PTGR1: variants seen among roughly 807,000 people sequenced by gnomAD.
PTGR1 encodes prostaglandin reductase 1, also known as 15-oxoprostaglandin 13-reductase.
Under a neutral mutation model 37.7 loss-of-function variants are expected in PTGR1, and 23 were observed. That is an observed-to-expected ratio of 0.61 (90% CI 0.44 to 0.86). PTGR1 has a LOEUF of 0.86. PTGR1 is among the 40% of genes least tolerant of loss of function. The pLI is 0.00. For missense variants in PTGR1, 351 were observed against 394.3 expected (o/e 0.89, Z 0.93); for synonymous variants, 134 against 140.0 (o/e 0.96, Z 0.30).
chr9:111,576,926 A>G (rs1829082216), intron 7 of PTGR1: 1 of 152,314 alleles, frequency 6.6e-6, no homozygotes, highest in South Asian at 2.1e-4. Context: ...CTCCGTCTCT[A>G]TTTAAAATAC....
At chr9:111,585,281 T>G (rs1829396988) in intron 5 of PTGR1, among the ~76,000 whole-genome samples, 1 of 152,196 alleles carries the variant, frequency 6.6e-6, no homozygotes, top group Admixed American at 6.5e-5. Flanking sequence ...CAGGATCTCC[T>G]AATATATTAC....
chr9:111,578,053 G>T (rs140693644), intron 7 of PTGR1, among the ~76,000 whole-genome samples: 3,141 of 152,018 alleles, frequency 0.021, 34 homozygotes, highest in South Asian at 0.034. Flanking sequence ...TGCCAATATA[G>T]TAAAAAACAT....
intron 6 of PTGR1, among the ~76,000 whole-genome samples, chr9:111,580,754 TC>T (rs1829258653): frequency 1.1e-5 from 1 of 94,664 alleles, no homozygotes. Context: ...AAACTCCATC[TC>T]AAAAAAAAAA....
At chr9:111,559,939 C>A (rs1173344093), downstream of PTGR1, among the ~76,000 whole-genome samples, 1 of 152,158 alleles carries the variant, frequency 6.6e-6, no homozygotes, top group Non-Finnish European at 1.5e-5. Context: ...AGTTTTTGTA[C>A]AGACACTCTT....
At chr9:111,592,720 A>G (rs994385557) in intron 4 of PTGR1, 36 of 592,832 alleles carry the variant, frequency 6.1e-5, no homozygotes, top group Non-Finnish European at 8.6e-5. Context: ...GGCAAAGTGA[A>G]GCTGAAAAAA....
At chr9:111,573,690 T>C (rs1309504971) in intron 8 of PTGR1, among the ~76,000 whole-genome samples, 1 of 152,178 alleles carries the variant, frequency 6.6e-6, no homozygotes, top group Non-Finnish European at 1.5e-5. Flanking sequence ...GTTTTGAGTC[T>C]GTTGCCAATA....
chr9:111,566,942 A>T (rs1039738797), intron 9 of PTGR1, among the ~76,000 whole-genome samples: 2 of 152,096 alleles, frequency 1.3e-5, no homozygotes, highest in Admixed American at 6.6e-5. Context: ...CAAAAAAACT[A>T]GCCAGGTGTG....
intron 6 of PTGR1, among the ~76,000 whole-genome samples, chr9:111,580,515 G>T (rs768025708): frequency 2.0e-5 from 3 of 152,120 alleles, no homozygotes; most frequent in East Asian, 1.9e-4. Flanking sequence ...CAGCACTTTG[G>T]GGGGCTGAGG....
At chr9:111,553,584 A>G (rs1014060598) in intron 9 of PTGR1, among the ~76,000 whole-genome samples, 3 of 152,218 alleles carry the variant, frequency 2.0e-5, no homozygotes, top group Non-Finnish European at 4.4e-5. Flanking sequence ...ATCTGTTGAT[A>G]CTGACTAGAT....
intron 9 of PTGR1, among the ~76,000 whole-genome samples, chr9:111,555,095 G>A (rs958962450): frequency 6.6e-6 from 1 of 152,182 alleles, no homozygotes; most frequent in African/African-American, 2.4e-5. Context: ...TGGGATAGGA[G>A]TTGGAGTTCA....
chr9:111,574,604 TAA>T (rs35972893), intron 8 of PTGR1, 128 bp downstream of exon 8: 9,417 of 477,178 alleles, frequency 0.02, no homozygotes, highest in South Asian at 0.027. Context: ...GACTCTGTCT[TAA>T]AAAAAAAAAA....
chr9:111,572,456 G>A (rs892126023), intron 8 of PTGR1, among the ~76,000 whole-genome samples: 4 of 152,128 alleles, frequency 2.6e-5, no homozygotes, highest in Non-Finnish European at 5.9e-5. Context: ...CAGGCGTGAC[G>A]ATTTGTGCCT....
chr9:111,578,271 G>T (rs1829147817), intron 7 of PTGR1, among the ~76,000 whole-genome samples: 2 of 152,068 alleles, frequency 1.3e-5, no homozygotes, highest in Non-Finnish European at 2.9e-5. Context: ...TTGTTGGGGG[G>T]ATGGTTTCAA....
chr9:111,569,423 A>C (rs536169770), intron 9 of PTGR1, among the ~76,000 whole-genome samples: 5 of 152,200 alleles, frequency 3.3e-5, no homozygotes, highest in Non-Finnish European at 7.3e-5. Context: ...TCCCATAGCC[A>C]AGTGAGGCTA....
At chr9:111,568,669 C>T (rs1828680770) in intron 9 of PTGR1, among the ~76,000 whole-genome samples, 1 of 152,342 alleles carries the variant, frequency 6.6e-6, no homozygotes, top group Non-Finnish European at 1.5e-5. Context: ...TTTTGTGGCT[C>T]AGGTGGGTAT....
Position 111,586,046 on chromosome 9 carries a change from G to A in PTGR1, c.329C>T (p.Pro110Leu), listed in dbSNP as rs1829419147. ...AGCCAAAGACAGTGGTATTGTGTCTGGCCACTCTGTCAGCAGCTTTTCCAG... is the reference window on the plus strand; with the variant it reads ...AGCCAAAGACAGTGGTATTGTGTCTAGCCACTCTGTCAGCAGCTTTTCCAG... Reference protein sequence around the residue: ...KDLEKLLTEWPDTIPLSLALG... With the variant: ...KDLEKLLTEWLDTIPLSLALG... The change falls in exon 5 of 10, where the codon CCA becomes CTA. Residue 110 changes from proline to leucine, a missense_variant. By Grantham distance (98) the Pro-to-Leu change is moderately conservative. Transcript: ENST00000407693. 6.2e-7 allele frequency: 1 copy of A among 1,614,178 alleles called. No individual in the cohort carries two copies.
At chr9:111,568,875 G>A (rs981381299) in intron 9 of PTGR1, among the ~76,000 whole-genome samples, 1 of 152,200 alleles carries the variant, frequency 6.6e-6, no homozygotes, top group African/African-American at 2.4e-5. Flanking sequence ...GGACCAGGGT[G>A]GTAGCAGGGA....
chr9:111,553,112 C>A (rs988698986), intron 9 of PTGR1, among the ~76,000 whole-genome samples: 3 of 152,132 alleles, frequency 2.0e-5, no homozygotes, highest in Non-Finnish European at 4.4e-5. Flanking sequence ...TTTTGACTTA[C>A]ACTCACTAAA....
At chr9:111,578,323 T>C (rs1300762302) in intron 7 of PTGR1, among the ~76,000 whole-genome samples, 2 of 152,134 alleles carry the variant, frequency 1.3e-5, no homozygotes, top group African/African-American at 4.8e-5. Flanking sequence ...ACTTTATTTC[T>C]ATTATTATTG....
Sources: allele counts gnomAD v4.1 joint callset (sites outside exome capture counted in the v4.1 genomes callset), GRCh38; gene constraint gnomAD v4.1.1; transcripts MANE v1.5; gene names NCBI Gene and HGNC (gene_info 2026-07-23, HGNC 2026-07-21).